The following GRIA4 variants were observed in gnomAD, a reference collection of about 807,000 sequenced individuals.
GRIA4 encodes glutamate receptor 4.
In GRIA4, 34 loss-of-function variants were observed where a neutral mutation model predicts 104.0. The observed-to-expected ratio is 0.33, with a 90% CI of 0.25 to 0.44. The LOEUF (loss-of-function observed/expected upper bound fraction) is 0.44. Ranked by LOEUF, GRIA4 falls within the 20% of genes least tolerant of loss-of-function variation. The probability of loss-of-function intolerance (pLI) is 1.00; values close to 1 mark genes in which losing one functional copy is unlikely to be tolerated. For missense variants in GRIA4, 750 were observed against 1,096.5 expected (o/e 0.68, Z 4.46); for synonymous variants, 386 against 381.9 (o/e 1.01, Z -0.13).
chr11:105,652,321 T>A (rs1236799505), intron 3 of GRIA4, among the ~76,000 whole-genome samples: 1 of 151,868 alleles, frequency 6.6e-6, no homozygotes, highest in Non-Finnish European at 1.5e-5. Context: ...CGAGAAAGAA[T>A]GAGAAAATGG....
At chr11:105,775,088 T>A (rs1941391648) in intron 4 of GRIA4, among the ~76,000 whole-genome samples, 1 of 152,110 alleles carries the variant, frequency 6.6e-6, no homozygotes, top group Non-Finnish European at 1.5e-5. Flanking sequence ...CATTCTTTGG[T>A]ACTTGGCCCC....
chr11:105,650,140 G>A (rs1951644216), intron 3 of GRIA4, among the ~76,000 whole-genome samples: 1 of 152,152 alleles, frequency 6.6e-6, no homozygotes, highest in Admixed American at 6.5e-5. Context: ...ATTAAATGAT[G>A]TTTCATTAAA....
chr11:105,944,359 G>T (rs1326673959), intron 14 of GRIA4, among the ~76,000 whole-genome samples: 1 of 152,052 alleles, frequency 6.6e-6, no homozygotes, highest in East Asian at 1.9e-4. Flanking sequence ...ACATGATCTT[G>T]TATGGGTTCA....
intron 5 of GRIA4, among the ~76,000 whole-genome samples, chr11:105,871,524 G>A (rs1184092953): frequency 6.6e-6 from 1 of 150,392 alleles, no homozygotes; most frequent in African/African-American, 2.4e-5. Context: ...TAATAATATG[G>A]GAAGTAATCA....
At chr11:105,739,899 T>C (rs1939201749) in intron 3 of GRIA4, among the ~76,000 whole-genome samples, 2 of 152,148 alleles carry the variant, frequency 1.3e-5, no homozygotes, top group Non-Finnish European at 2.9e-5. Context: ...ATTAAGTTAA[T>C]ATAGAATGAA....
At chr11:105,679,879 C>T (rs1399150459) in intron 3 of GRIA4, among the ~76,000 whole-genome samples, 1 of 152,008 alleles carries the variant, frequency 6.6e-6, no homozygotes, top group African/African-American at 2.4e-5. Flanking sequence ...AACCTTTATT[C>T]CTGAAGGGTT....
intron 4 of GRIA4, among the ~76,000 whole-genome samples, chr11:105,808,368 T>A (rs1943036790): frequency 6.6e-6 from 1 of 152,012 alleles, no homozygotes; most frequent in African/African-American, 2.4e-5. Flanking sequence ...TCTCCCTGGA[T>A]CCAAGGTTGG....
intron 14 of GRIA4, among the ~76,000 whole-genome samples, chr11:105,939,251 C>T (rs1408737948): frequency 6.6e-6 from 1 of 152,082 alleles, no homozygotes; most frequent in Non-Finnish European, 1.5e-5. Context: ...GTAGGTAACA[C>T]CAAATTGAAA....
intron 3 of GRIA4, among the ~76,000 whole-genome samples, chr11:105,651,276 C>T (rs183700435): frequency 1.4e-3 from 218 of 152,126 alleles, no homozygotes; most frequent in African/African-American, 5.0e-3. Context: ...TTTGATTTGG[C>T]TCATGACCTC....
At chr11:105,902,365 C>T (rs909813933) in intron 7 of GRIA4, among the ~76,000 whole-genome samples, 5 of 149,580 alleles carry the variant, frequency 3.3e-5, no homozygotes, top group Admixed American at 2.0e-4. Context: ...GGGTCTTTAT[C>T]TGTCACCCAG....
At chr11:105,768,513 C>T (rs371736535) in intron 4 of GRIA4, among the ~76,000 whole-genome samples, 5 of 151,942 alleles carry the variant, frequency 3.3e-5, no homozygotes, top group Non-Finnish European at 5.9e-5. Flanking sequence ...TCAGTTTTCA[C>T]GTAAAAAAAA....
chr11:105,805,158 T>C (rs991637832), intron 4 of GRIA4, among the ~76,000 whole-genome samples: 1 of 151,946 alleles, frequency 6.6e-6, no homozygotes, highest in Admixed American at 6.6e-5. Flanking sequence ...CCTTTCCTTA[T>C]TCCATTTCTG....
intron 14 of GRIA4, among the ~76,000 whole-genome samples, chr11:105,962,605 C>T (rs1394756701): frequency 6.6e-6 from 1 of 152,060 alleles, no homozygotes; most frequent in African/African-American, 2.4e-5. Flanking sequence ...ATCAAATTCC[C>T]TGTCATCTCA....
In GRIA4 at chr11:105,910,551, T is replaced by C; in HGVS notation, c.1269+6T>C. On this transcript the variant is annotated splice_donor_region_variant and intron_variant, in intron 10 of 16. Coordinates refer to ENST00000282499, the MANE Select transcript of GRIA4 (RefSeq NM_000829.4). Reference sequence around the variant, plus strand: ...TGGTTGTAACCACAATTATGGTAAGTGTTGGTCTATGCTTTATGGTGTTCC... The same window carrying C: ...TGGTTGTAACCACAATTATGGTAAGCGTTGGTCTATGCTTTATGGTGTTCC... The C allele has an allele frequency of 1.5e-6, 2 of 1,359,578 alleles. No individual in the cohort carries two copies. Among genetic ancestry groups the C allele is most frequent in the Non-Finnish European group, 2.1e-6 (2 of 947,542 alleles). 84.2% of individuals were successfully genotyped at this position (1,359,578 alleles called of 1,614,324 possible).
chr11:105,612,463 A>T lies in GRIA4; in HGVS notation c.247+29A>T, dbSNP rs199606404. The T allele has an allele frequency of 1.9e-4, 305 of 1,599,006 alleles. 3 individuals carry two copies. The African/African-American group carries it at 3.3e-3, about 17-fold the overall frequency. On this transcript the variant is annotated intron_variant, in intron 3 of 16. Transcript: ENST00000282499. ...AGTAAAACATAAGCTATGAAAAATT[A>T]GAAGAGAACTGAAACCAAGCAATGG...
intron 11 of GRIA4, among the ~76,000 whole-genome samples, chr11:105,920,779 C>T (rs996931154): frequency 6.6e-6 from 1 of 152,114 alleles, no homozygotes; most frequent in Non-Finnish European, 1.5e-5. Flanking sequence ...CTCAGCCAGT[C>T]TGCAAGTGGT....
chr11:105,819,408 T>C (rs1424995559), intron 4 of GRIA4, among the ~76,000 whole-genome samples: 2 of 152,168 alleles, frequency 1.3e-5, no homozygotes, highest in African/African-American at 4.8e-5. Context: ...CTCATAACAG[T>C]ACTCAGCACA....
chr11:105,617,758 C>T (rs887009319), intron 3 of GRIA4, among the ~76,000 whole-genome samples: 6 of 152,022 alleles, frequency 3.9e-5, no homozygotes, highest in African/African-American at 1.2e-4. Context: ...CTATTCAAGA[C>T]ATTATGCTAG....
At chr11:105,961,737 T>G (rs1213703861) in intron 14 of GRIA4, among the ~76,000 whole-genome samples, 1 of 152,204 alleles carries the variant, frequency 6.6e-6, no homozygotes, top group Non-Finnish European at 1.5e-5. Flanking sequence ...GGATTTCGGA[T>G]TTTTGGATTA....
Sources: gnomAD v4.1 joint callset for allele counts (sites outside exome capture counted in the v4.1 genomes callset) on GRCh38, gnomAD v4.1.1 for gene constraint, MANE v1.5 for transcripts, NCBI Gene and HGNC (gene_info 2026-07-23, HGNC 2026-07-21) for gene names.